DGKH: variants seen among roughly 807,000 people sequenced by gnomAD.
The protein encoded by DGKH is diacylglycerol kinase eta, also known as DAG kinase eta.
A neutral mutation model predicts 159.3 loss-of-function variants in DGKH; 90 were observed. The ratio of observed to expected loss-of-function variants is 0.57; its 90% CI spans 0.48 to 0.67. The LOEUF (loss-of-function observed/expected upper bound fraction) is 0.67. Ranked by LOEUF, DGKH falls within the 30% of genes least tolerant of loss-of-function variation. DGKH has a pLI of 0.00. For synonymous variants in DGKH, 536 were observed against 553.8 expected (o/e 0.97, Z 0.45); for missense variants, 1,181 against 1,506.1 (o/e 0.78, Z 3.57).
intron 1 of DGKH, among the ~76,000 whole-genome samples, chr13:42,081,365 G>A: frequency 6.6e-6 from 1 of 152,006 alleles, no homozygotes; most frequent in East Asian, 1.9e-4. Flanking sequence ...AAGTAACTGG[G>A]ACTACAGGTG....
intron 1 of DGKH, among the ~76,000 whole-genome samples, chr13:42,102,196 G>A (rs1335961168): frequency 6.6e-6 from 1 of 152,202 alleles, no homozygotes; most frequent in Admixed American, 6.5e-5. Context: ...TGTGTCCTCT[G>A]GAGGCTGTGG....
At chr13:42,050,598 A>G (rs1881203162) in intron 1 of DGKH, among the ~76,000 whole-genome samples, 1 of 152,246 alleles carries the variant, frequency 6.6e-6, no homozygotes, top group African/African-American at 2.4e-5. Context: ...TTACAAAGTT[A>G]GGGACTTTCC....
chr13:42,250,980 T>A (rs1051398533), intron 29 of DGKH, among the ~76,000 whole-genome samples: 1 of 152,240 alleles, frequency 6.6e-6, no homozygotes, highest in African/African-American at 2.4e-5. Context: ...ATGTTTAATG[T>A]TGTTTTGGCC....
rs150840942 is a variant in DGKH, at chr13:42,169,619, A to G, written c.1367+801A>G. Among the ~76,000 whole-genome samples the G allele has an allele frequency of 2.9e-3, 444 of 152,356 alleles. 1 individual carries two copies. The Middle Eastern group carries it at 0.037, about 13-fold the overall frequency. ...CAAAACAATTTTGATAGAATTAGCC[A>G]TCTGTGGAACTCTTCCCGAAAATAA... On this transcript the variant is annotated intron_variant, in intron 11 of 29. Coordinates refer to ENST00000337343, the MANE Select transcript of DGKH (RefSeq NM_178009.5).
At chr13:42,130,484 G>A (rs1955266757) in intron 3 of DGKH, among the ~76,000 whole-genome samples, 1 of 152,068 alleles carries the variant, frequency 6.6e-6, no homozygotes, top group Admixed American at 6.6e-5. Flanking sequence ...TCCTGACGTC[G>A]TTCAGCCCAA....
In DGKH at chr13:42,221,250, C is replaced by A; in HGVS notation, c.3443-14C>A. On this transcript the variant is annotated splice_polypyrimidine_tract_variant and intron_variant, in intron 28 of 29. Coordinates refer to ENST00000337343, the MANE Select transcript of DGKH (RefSeq NM_178009.5). ...ATGTAGAAATTAAGGGGGTTTTGCT[C>A]TTAACTTTGGTAGTTCAGAAATGGG... 1 of 1,612,596 alleles carries A rather than the reference C, an allele frequency of 6.2e-7. No homozygotes were observed. The highest frequency in any genetic ancestry group is 1.1e-5 in the South Asian group (1 of 90,784).
At chr13:42,148,948 T>C (rs1269479380) in intron 3 of DGKH, among the ~76,000 whole-genome samples, 1 of 139,388 alleles carries the variant, frequency 7.2e-6, no homozygotes, top group Non-Finnish European at 1.5e-5. Flanking sequence ...CCCCTTCTTT[T>C]TTTTTTTTTT....
intron 1 of DGKH, among the ~76,000 whole-genome samples, chr13:42,107,216 C>T (rs900469715): frequency 5.3e-5 from 8 of 152,154 alleles, no homozygotes; most frequent in Non-Finnish European, 8.8e-5. Flanking sequence ...GGGTGAGTCA[C>T]GAGAGGAAAG....
intron 7 of DGKH, among the ~76,000 whole-genome samples, chr13:42,163,253 A>C (rs1199434640): frequency 1.3e-5 from 2 of 151,772 alleles, no homozygotes; most frequent in Non-Finnish European, 2.9e-5. Flanking sequence ...TTCTTAATCC[A>C]GTCTATCATT....
chr13:42,192,907 T>C (rs1957118485), intron 16 of DGKH, among the ~76,000 whole-genome samples: 2 of 152,210 alleles, frequency 1.3e-5, no homozygotes, highest in Admixed American at 1.3e-4. Context: ...ATTAGCACAT[T>C]GGTACCCATA....
chr13:42,112,887 C>T (rs1000251243), intron 1 of DGKH, among the ~76,000 whole-genome samples: 1 of 152,236 alleles, frequency 6.6e-6, no homozygotes, highest in African/African-American at 2.4e-5. Context: ...AGCCATTCTT[C>T]TCTGCCCGTG....
In DGKH at chr13:42,165,386, A is replaced by C. The variant is rs760144949; in HGVS notation, c.911A>C (p.Lys304Thr). Residue 304 changes from lysine to threonine, a missense_variant, in exon 8 of 30, where the codon AAA (lysine) becomes ACA (threonine). Around this residue, in one of 5 missense-constraint regions of DGKH, gnomAD observed 369 missense variants for 519.4 expected, o/e 0.71. Coordinates refer to ENST00000337343, the MANE Select transcript of DGKH (RefSeq NM_178009.5). ...CCAATATGTCCACTTGGTCAATGTA[A>C]AGTATCTATCATACCTCCAATTGCA... Reference protein sequence around the residue: ...YHPICPLGQCKVSIIPPIALN... With the variant: ...YHPICPLGQCTVSIIPPIALN... 1.3e-6 allele frequency: 2 copies of C among 1,594,592 alleles called. No individual in the cohort carries two copies. Among genetic ancestry groups the C allele is most frequent in the East Asian group, 2.3e-5 (1 of 43,532 alleles).
At chr13:42,148,028 A>G (rs2137917758) in intron 3 of DGKH, among the ~76,000 whole-genome samples, 1 of 152,348 alleles carries the variant, frequency 6.6e-6, no homozygotes, top group African/African-American at 2.4e-5. Flanking sequence ...GGGGAGAAAA[A>G]GTGAGCAGCA....
intron 1 of DGKH, among the ~76,000 whole-genome samples, chr13:42,089,828 G>A (rs1954380486): frequency 6.6e-6 from 1 of 152,110 alleles, no homozygotes; most frequent in African/African-American, 2.4e-5. Flanking sequence ...CCCAGGTTCT[G>A]GGGATTAGGA....
intron 1 of DGKH, among the ~76,000 whole-genome samples, chr13:42,040,928 G>A (rs1880458410): frequency 6.6e-6 from 1 of 150,584 alleles, no homozygotes; most frequent in Non-Finnish European, 1.5e-5. Context: ...CCGCAGCCCA[G>A]CGTGGGAGGA....
chr13:42,159,528 T>C (rs1478626580), intron 6 of DGKH, among the ~76,000 whole-genome samples, 156 bp downstream of exon 6: 3 of 152,194 alleles, frequency 2.0e-5, no homozygotes, highest in East Asian at 1.9e-4. Flanking sequence ...CAATCCTTCA[T>C]AGCTTCTTTA....
At chr13:42,209,897 T>A (rs1401148783) in intron 23 of DGKH, among the ~76,000 whole-genome samples, 1 of 152,108 alleles carries the variant, frequency 6.6e-6, no homozygotes. Context: ...TATCCACCAC[T>A]GCAGTATCAT....
chr13:42,159,862 A>G (rs1594116443), intron 6 of DGKH, 149 bp from the exon 7 acceptor site: 8 of 1,143,958 alleles, frequency 7.0e-6, no homozygotes, highest in East Asian at 2.6e-5. Context: ...TTCATAATAG[A>G]TGCTCAATAA....
At chr13:42,177,076 G>A (rs1425269793) in intron 12 of DGKH, among the ~76,000 whole-genome samples, 3 of 152,110 alleles carry the variant, frequency 2.0e-5, no homozygotes, top group Non-Finnish European at 4.4e-5. Context: ...ATACAGAAGA[G>A]TGCACAGGTC....
Sources: gnomAD v4.1 joint callset for allele counts (sites outside exome capture counted in the v4.1 genomes callset) on GRCh38, gnomAD v4.1.1 for gene constraint, gnomAD v4.1.1 regional missense constraint, MANE v1.5 for transcripts, NCBI Gene and HGNC (gene_info 2026-07-23, HGNC 2026-07-21) for gene names.